The following CEP112 variants were observed in gnomAD, a reference collection of about 807,000 sequenced individuals.
The protein encoded by CEP112 is centrosomal protein 112.
CEP112 carries 127 observed loss-of-function variants against 153.0 expected under a neutral mutation model. The observed-to-expected ratio is 0.83, with a 90% CI of 0.72 to 0.96. CEP112 has a LOEUF of 0.96. CEP112 is among the 40% of genes least tolerant of loss of function. CEP112 has a pLI of 0.00. For synonymous variants in CEP112, 358 were observed against 374.4 expected (o/e 0.96, Z 0.51); for missense variants, 1,089 against 1,101.2 (o/e 0.99, Z 0.16).
chr17:66,144,757 A>G (rs2070852140), intron 4 of CEP112, among the ~76,000 whole-genome samples: 2 of 152,160 alleles, frequency 1.3e-5, no homozygotes, highest in Admixed American at 1.3e-4. Flanking sequence ...ATAAACCATA[A>G]TTTGCTTTTC....
chr17:65,942,393 G>GT (rs1219907694), intron 18 of CEP112, among the ~76,000 whole-genome samples: 1 of 152,098 alleles, frequency 6.6e-6, no homozygotes, highest in African/African-American at 2.4e-5. Context: ...AATAGTATAG[G>GT]TGCTTATTTT....
intron 21 of CEP112, among the ~76,000 whole-genome samples, chr17:65,839,970 G>A (rs1008248181): frequency 2.0e-4 from 30 of 151,798 alleles, no homozygotes; most frequent in Non-Finnish European, 1.6e-4. Flanking sequence ...AGTAGTAAAA[G>A]TTTCTACACT....
chr17:66,023,350 C>T (rs1179254281), intron 16 of CEP112, among the ~76,000 whole-genome samples: 2 of 151,988 alleles, frequency 1.3e-5, no homozygotes, highest in African/African-American at 4.8e-5. Context: ...AGAAAAAAAA[C>T]ATCAGACTAA....
intron 6 of CEP112, among the ~76,000 whole-genome samples, chr17:66,125,188 A>G (rs1184042957): frequency 6.6e-6 from 1 of 152,236 alleles, no homozygotes; most frequent in Non-Finnish European, 1.5e-5. Context: ...TTGTCTTATC[A>G]AAGTATTAAT....
At chr17:66,091,171 T>C (rs1016686849) in intron 8 of CEP112, among the ~76,000 whole-genome samples, 2 of 152,084 alleles carry the variant, frequency 1.3e-5, no homozygotes, top group Non-Finnish European at 2.9e-5. Context: ...GGTCTATTCT[T>C]TAGTGCAAAT....
In CEP112 at chr17:66,191,123, T is replaced by C. The variant is rs2146966843; in HGVS notation, c.-9+874A>G. ...TATTCTCTGGCCCGGCCCTACCATT[T>C]CCGCACCATTTCCATGGTCATTTCA... On this transcript the variant is annotated intron_variant, in intron 1 of 26. Transcript: ENST00000535342. The surrounding 1 kb of genome is among the most constrained non-coding windows in gnomAD (Gnocchi z 4.2). Among the ~76,000 whole-genome samples, 1 of 152,264 alleles carries C rather than the reference T, an allele frequency of 6.6e-6. No homozygotes were observed. Among genetic ancestry groups the C allele is most frequent in the African/African-American group, 2.4e-5 (1 of 41,542 alleles).
At position 65,635,884 on chromosome 17, in the gene CEP112, C is replaced by T. The variant is rs1567789890; in HGVS notation, c.*87G>A. 7.2e-7 allele frequency: 1 copy of T among 1,384,412 alleles called. No homozygotes were observed. Among genetic ancestry groups the T allele is most frequent in the South Asian group, 1.3e-5 (1 of 77,626 alleles). 85.8% of individuals were successfully genotyped at this position (1,384,412 alleles called of 1,614,324 possible). A position where few individuals can be genotyped will look rare whatever the true frequency, so the allele number is the denominator to read the frequency against. ...GATTTAAAAAATGCCACTGATCTCACAGTTTACAATATCCAAATCTTCAAA... is the reference window on the plus strand; with the variant it reads ...GATTTAAAAAATGCCACTGATCTCATAGTTTACAATATCCAAATCTTCAAA... On this transcript the variant is annotated 3_prime_UTR_variant, in exon 27 of 27. Transcript: ENST00000535342.
intron 8 of CEP112, among the ~76,000 whole-genome samples, chr17:66,074,733 C>T (rs977972242): frequency 2.6e-5 from 4 of 151,658 alleles, no homozygotes; most frequent in Non-Finnish European, 4.4e-5. Context: ...CGTGGTGGCA[C>T]GTGCCTGTAG....
intron 22 of CEP112, among the ~76,000 whole-genome samples, chr17:65,746,501 A>T (rs1412875988): frequency 1.3e-5 from 2 of 152,176 alleles, no homozygotes; most frequent in Non-Finnish European, 2.9e-5. Context: ...AAGGATAATT[A>T]AAAAAACAAG....
chr17:66,116,439 T>C (rs1409978027), intron 6 of CEP112, among the ~76,000 whole-genome samples: 3 of 152,214 alleles, frequency 2.0e-5, no homozygotes, highest in Non-Finnish European at 2.9e-5. Flanking sequence ...GTTTTTTTAA[T>C]TGATTAAATT....
At chr17:66,179,612 A>G (rs767260811) in intron 2 of CEP112, among the ~76,000 whole-genome samples, 2 of 152,154 alleles carry the variant, frequency 1.3e-5, no homozygotes, top group Non-Finnish European at 2.9e-5. Flanking sequence ...TATTTCCAAT[A>G]TAAGATCATA....
intron 23 of CEP112, among the ~76,000 whole-genome samples, chr17:65,714,941 G>A (rs1310978072): frequency 1.3e-5 from 2 of 152,024 alleles, no homozygotes; most frequent in Non-Finnish European, 2.9e-5. Flanking sequence ...GAATAGACCT[G>A]AATGATGATA....
intron 20 of CEP112, 103 bp from the exon 21 acceptor site, chr17:65,852,137 A>T: frequency 1.4e-6 from 1 of 712,716 alleles, no homozygotes; most frequent in South Asian, 1.9e-5. Flanking sequence ...GAACATATGG[A>T]ATAGAAAGCT....
chr17:65,960,010 C>T (rs369697512), intron 18 of CEP112, among the ~76,000 whole-genome samples: 37 of 152,216 alleles, frequency 2.4e-4, no homozygotes, highest in Admixed American at 1.7e-3. Flanking sequence ...CTAGGGATCC[C>T]GTAACACAGG....
chr17:66,163,865 G>A (rs1466814377), intron 4 of CEP112, among the ~76,000 whole-genome samples: 1 of 151,996 alleles, frequency 6.6e-6, no homozygotes, highest in Admixed American at 6.6e-5. Flanking sequence ...AATATTACCT[G>A]ACAAACAGAA....
At chr17:65,697,001 T>C (rs2048392935) in intron 23 of CEP112, among the ~76,000 whole-genome samples, 1 of 152,144 alleles carries the variant, frequency 6.6e-6, no homozygotes, top group Non-Finnish European at 1.5e-5. Context: ...GGGGGTAGGA[T>C]GTGCATATTT....
chr17:65,844,644 T>TGCACA (rs2057654158), intron 21 of CEP112, among the ~76,000 whole-genome samples: 1 of 36,472 alleles, frequency 2.7e-5, no homozygotes, highest in Non-Finnish European at 6.3e-5. Context: ...GAGATCAGGC[T>TGCACA]CCATCCTGGG....
At position 65,867,614 on chromosome 17, in the gene CEP112, GA is replaced by G. The variant is rs952577621; in HGVS notation, c.2164-15581del. On this transcript the variant is annotated intron_variant, in intron 20 of 26. Transcript: ENST00000535342. Reference sequence around the variant, plus strand: ...GATGAATATCCTGTTAAGTAATTTTGAAAAAAAAATTCTTGTTTTTAGCTAT... The same window carrying G: ...GATGAATATCCTGTTAAGTAATTTTGAAAAAAAATTCTTGTTTTTAGCTAT... Among the ~76,000 whole-genome samples the G allele has an allele frequency of 8.6e-5, 13 of 150,382 alleles. 1 individual carries two copies. The highest frequency in any genetic ancestry group is 3.0e-5 in the Non-Finnish European group (2 of 67,592).
At chr17:66,136,934 C>T (rs938408461) in intron 4 of CEP112, among the ~76,000 whole-genome samples, 2 of 152,048 alleles carry the variant, frequency 1.3e-5, no homozygotes, top group Admixed American at 6.6e-5. Context: ...CTGGGAGAAG[C>T]GGCTGTTTTT....
Sources: gnomAD v4.1 joint callset for allele counts (sites outside exome capture counted in the v4.1 genomes callset) on GRCh38, gnomAD v4.1.1 for gene constraint, Gnocchi (gnomAD v3.1) non-coding constraint, MANE v1.5 for transcripts, NCBI Gene and HGNC (gene_info 2026-07-23, HGNC 2026-07-21) for gene names.